CFAP20DC: variants seen among roughly 807,000 people sequenced by gnomAD.
The protein encoded by CFAP20DC is protein CFAP20DC.
Under a neutral mutation model 101.7 loss-of-function variants are expected in CFAP20DC, and 84 were observed. The ratio of observed to expected loss-of-function variants is 0.83; its 90% CI spans 0.69 to 0.99. The LOEUF is 0.99. CFAP20DC is among the 50% of genes least tolerant of loss of function. The probability of loss-of-function intolerance (pLI) is 0.00; values close to 1 mark genes in which losing one functional copy is unlikely to be tolerated. For synonymous variants in CFAP20DC, 359 were observed against 351.2 expected, an observed-to-expected ratio of 1.02 and a Z score of -0.25; for missense variants, 1,007 against 970.3, an observed-to-expected ratio of 1.04 and a Z score of -0.50.
Position 58,897,101 on chromosome 3 carries a change from G to A in CFAP20DC, c.551-12392C>T, listed in dbSNP as rs777221952. On this transcript the variant is annotated intron_variant, in intron 6 of 16. Transcript: ENST00000482387. The surrounding 1 kb of genome is among the most constrained non-coding windows in gnomAD (Gnocchi z 4.4). ...GGTGCATATGTATTTAGGATTGTTA[G>A]CACTTCTTGAATTGAACCCTTTACC... 3.3e-5 allele frequency among the ~76,000 whole-genome samples: 5 copies of A among 152,134 alleles called. No homozygotes were observed. The highest frequency in any genetic ancestry group is 7.4e-5 in the Non-Finnish European group (5 of 68,012).
chr3:58,768,285 T>TGA (rs2070509938), intron 15 of CFAP20DC, among the ~76,000 whole-genome samples: 1 of 152,176 alleles, frequency 6.6e-6, no homozygotes, highest in Admixed American at 6.5e-5. Flanking sequence ...CCATTTCCTG[T>TGA]CACATGGAGG....
At chr3:58,944,347 T>C (rs1451404177) in intron 4 of CFAP20DC, among the ~76,000 whole-genome samples, 3 of 152,212 alleles carry the variant, frequency 2.0e-5, no homozygotes, top group Admixed American at 1.3e-4. Flanking sequence ...CTTAAATAGT[T>C]GTTTTTAACA....
chr3:58,809,801 T>G (rs1051316063), intron 14 of CFAP20DC, among the ~76,000 whole-genome samples: 4 of 151,394 alleles, frequency 2.6e-5, no homozygotes, highest in Admixed American at 1.3e-4. Context: ...TTGATAGACC[T>G]CCAGCAAGAC....
intron 15 of CFAP20DC, among the ~76,000 whole-genome samples, chr3:58,776,429 G>A (rs1054953655): frequency 6.6e-5 from 10 of 152,026 alleles, no homozygotes; most frequent in African/African-American, 1.2e-4. Context: ...AGACCCTTAT[G>A]GGCCTGAAGA....
chr3:58,736,530 C>T (rs2107103286), intron 3 of CFAP20DC, among the ~76,000 whole-genome samples: 1 of 152,230 alleles, frequency 6.6e-6, no homozygotes, highest in African/African-American at 2.4e-5. Flanking sequence ...GAGAGTTTTT[C>T]CCTCCTGGAA....
intron 15 of CFAP20DC, among the ~76,000 whole-genome samples, chr3:58,761,401 T>C (rs2069576652): frequency 1.3e-5 from 2 of 152,346 alleles, no homozygotes; most frequent in South Asian, 2.1e-4. Flanking sequence ...TCATTTTTTA[T>C]TGCACCTATT....
intron 7 of CFAP20DC, among the ~76,000 whole-genome samples, chr3:58,881,909 A>G (rs1201944844): frequency 6.6e-6 from 1 of 152,188 alleles, no homozygotes; most frequent in East Asian, 1.9e-4. Context: ...TGGCTTACAC[A>G]AAGAACAATA....
intron 4 of CFAP20DC, among the ~76,000 whole-genome samples, chr3:59,021,842 C>T (rs1194050223): frequency 6.6e-6 from 1 of 152,104 alleles, no homozygotes; most frequent in Admixed American, 6.6e-5. Context: ...CTGTTGACAA[C>T]TCTCACCTCC....
intron 14 of CFAP20DC, among the ~76,000 whole-genome samples, chr3:58,816,838 G>A (rs569065582): frequency 6.6e-6 from 1 of 152,236 alleles, no homozygotes; most frequent in East Asian, 1.9e-4. Flanking sequence ...CTGGGGGCAG[G>A]GCACAGACAA....
At chr3:59,038,056 C>T (rs577046472) in intron 4 of CFAP20DC, among the ~76,000 whole-genome samples, 10 of 152,144 alleles carry the variant, frequency 6.6e-5, no homozygotes, top group African/African-American at 2.4e-4. Flanking sequence ...TGTTCTCACT[C>T]ATAAGTAAGA....
intron 13 of CFAP20DC, among the ~76,000 whole-genome samples, chr3:58,837,948 T>A (rs981600837): frequency 6.6e-6 from 1 of 152,184 alleles, no homozygotes; most frequent in Non-Finnish European, 1.5e-5. Context: ...TAAATTAGTG[T>A]TCCAGGGCAC....
chr3:58,767,797 C>G lies in CFAP20DC; in HGVS notation c.2238-13934G>C, dbSNP rs555484967. Among the ~76,000 whole-genome samples, 3 of 152,228 alleles carry G rather than the reference C, an allele frequency of 2.0e-5. No individual in the cohort carries two copies. The East Asian group carries it at 5.8e-4, about 29-fold the overall frequency. On this transcript the variant is annotated intron_variant, in intron 15 of 16. Transcript: ENST00000482387. Reference sequence around the variant, plus strand: ...AGATTCTTAATATTGAAGAATAACCCCCATTGATGTTCTGAAACCCTTCCA... The same window carrying G: ...AGATTCTTAATATTGAAGAATAACCGCCATTGATGTTCTGAAACCCTTCCA...
intron 3 of CFAP20DC, among the ~76,000 whole-genome samples, chr3:58,734,198 A>G (rs1329552464): frequency 1.3e-5 from 2 of 152,292 alleles, no homozygotes; most frequent in South Asian, 2.1e-4. Flanking sequence ...TGCCATGATT[A>G]TAAGTTTCAT....
In CFAP20DC at chr3:58,914,099, C is replaced by T. The variant is rs1480502815; in HGVS notation, c.394-235G>A. On this transcript the variant is annotated intron_variant, in intron 5 of 16. Transcript: ENST00000482387. The surrounding 1 kb of genome is among the most constrained non-coding windows in gnomAD (Gnocchi z 4.9). ...ATTGGTCATCTGACTACAGAATTCC[C>T]ATCATGAGACAAGACTATGACAACT... Among the ~76,000 whole-genome samples the T allele has an allele frequency of 6.6e-6, 1 of 152,092 alleles. No homozygotes were observed. The highest frequency in any genetic ancestry group is 2.4e-5 in the African/African-American group (1 of 41,422).
intron 4 of CFAP20DC, among the ~76,000 whole-genome samples, chr3:58,978,185 CCTT>C (rs1370110503): frequency 1.3e-5 from 2 of 152,130 alleles, no homozygotes; most frequent in Non-Finnish European, 2.9e-5. Context: ...TCCTTCCTAG[CCTT>C]CTTCCAGGTT....
At chr3:58,895,602 TC>T (rs1211011917) in intron 6 of CFAP20DC, among the ~76,000 whole-genome samples, 6 of 152,212 alleles carry the variant, frequency 3.9e-5, no homozygotes, top group Admixed American at 2.6e-4. Context: ...TCCCACATTT[TC>T]CTTTCTTCTT....
At chr3:58,813,564 G>A (rs1341688241) in intron 14 of CFAP20DC, among the ~76,000 whole-genome samples, 3 of 151,898 alleles carry the variant, frequency 2.0e-5, no homozygotes, top group Non-Finnish European at 4.4e-5. Context: ...CATGGTGCCT[G>A]TATATACAGA....
chr3:58,887,722 T>C (rs1432731919), intron 6 of CFAP20DC, among the ~76,000 whole-genome samples: 1 of 152,220 alleles, frequency 6.6e-6, no homozygotes, highest in Non-Finnish European at 1.5e-5. Flanking sequence ...CCCAACATCT[T>C]TCCTTTCTGT....
chr3:59,013,659 T>G (rs776399679), intron 4 of CFAP20DC, among the ~76,000 whole-genome samples: 1 of 152,148 alleles, frequency 6.6e-6, no homozygotes, highest in Non-Finnish European at 1.5e-5. Context: ...TTCTAGATGC[T>G]TACCAGGAAT....
Sources: allele counts gnomAD v4.1 joint callset (sites outside exome capture counted in the v4.1 genomes callset), GRCh38; gene constraint gnomAD v4.1.1; non-coding constraint Gnocchi (gnomAD v3.1); transcripts MANE v1.5; gene names NCBI Gene and HGNC (gene_info 2026-07-23, HGNC 2026-07-21).